COG7: variants seen among roughly 807,000 people sequenced by gnomAD.
The protein encoded by COG7 is conserved oligomeric Golgi complex subunit 7.
COG7 carries 49 observed loss-of-function variants against 91.5 expected under a neutral mutation model. The ratio of observed to expected loss-of-function variants is 0.54; its 90% CI spans 0.43 to 0.68. The LOEUF is 0.68. Ranked by LOEUF, COG7 falls within the 30% of genes least tolerant of loss-of-function variation. The pLI, the probability that COG7 is intolerant of heterozygous loss-of-function variation, is 0.00. For synonymous variants in COG7, 365 were observed against 388.7 expected, an observed-to-expected ratio of 0.94 and a Z score of 0.72; for missense variants, 895 against 961.3, an observed-to-expected ratio of 0.93 and a Z score of 0.91.
intron 2 of COG7, 37 bp from the exon 3 acceptor site, chr16:23,445,201 G>T: frequency 6.9e-7 from 1 of 1,446,840 alleles, no homozygotes; most frequent in Non-Finnish European, 9.7e-7. Context: ...TGAAGGGGTA[G>T]GTCCTTTTTC....
In COG7 at chr16:23,447,803, G is replaced by A. The variant is rs551273914; in HGVS notation, c.170-1842C>T. Among the ~76,000 whole-genome samples the A allele has an allele frequency of 3.9e-5, 6 of 152,034 alleles. No individual in the cohort carries two copies. The East Asian group carries it at 1.2e-3, about 30-fold the overall frequency. On this transcript the variant is annotated intron_variant, in intron 1 of 16. Transcript: ENST00000307149. ...TAGCCCCAGCTACTCGGGAGGCTGA[G>A]GCAGGAGAATCACTTGAACCTGGGA...
intron 15 of COG7, among the ~76,000 whole-genome samples, chr16:23,392,887 C>T (rs954399455): frequency 7.9e-5 from 12 of 152,186 alleles, no homozygotes; most frequent in South Asian, 2.1e-4. Context: ...GTCAAGATCG[C>T]GCCACTGCAC....
intron 7 of COG7, among the ~76,000 whole-genome samples, chr16:23,424,381 G>A (rs1295746772): frequency 6.6e-6 from 1 of 150,566 alleles, no homozygotes; most frequent in East Asian, 2.0e-4. Context: ...GAGGCTTCGT[G>A]ATGACTTCAA....
intron 1 of COG7, among the ~76,000 whole-genome samples, chr16:23,447,792 C>T (rs936936834): frequency 8.6e-5 from 13 of 151,250 alleles, no homozygotes; most frequent in East Asian, 2.0e-4. Flanking sequence ...CCCAGCTACT[C>T]GGGAGGCTGA....
intron 13 of COG7, 83 bp from the exon 14 acceptor site, chr16:23,398,212 C>A: frequency 9.0e-7 from 1 of 1,116,558 alleles, no homozygotes; most frequent in Middle Eastern, 2.2e-4. Flanking sequence ...ACAAGAAGAA[C>A]ATGGCCTTCC....
intron 14 of COG7, among the ~76,000 whole-genome samples, chr16:23,397,612 G>A (rs570465160): frequency 6.6e-6 from 1 of 152,336 alleles, no homozygotes; most frequent in East Asian, 1.9e-4. Context: ...TTGCTATGAA[G>A]TTAAACATGA....
intron 4 of COG7, among the ~76,000 whole-genome samples, chr16:23,435,602 G>A (rs1002186239): frequency 3.9e-5 from 6 of 152,122 alleles, no homozygotes; most frequent in Non-Finnish European, 5.9e-5. Context: ...GCACAGCAGC[G>A]CCACCTCTGG....
rs138704313 is a variant in COG7 at position 23,403,312 on chromosome 16, G to A, written c.1803+382C>T. On this transcript the variant is annotated intron_variant, in intron 13 of 16. Coordinates refer to ENST00000307149, the MANE Select transcript of COG7 (RefSeq NM_153603.4). ...AGGTACTCCCCTGAGTAAAGTTCCA[G>A]AACCAATTCTCCAGAAATGATTCGT... is the stretch of plus-strand genomic sequence containing the variant. 1.3e-4 allele frequency among the ~76,000 whole-genome samples: 20 copies of A among 152,324 alleles called. 1 individual carries two copies. The East Asian group carries it at 3.9e-3, about 29-fold the overall frequency.
intron 9 of COG7, chr16:23,414,725 C>G (rs1346548343): frequency 1.3e-5 from 2 of 152,032 alleles, no homozygotes; most frequent in Admixed American, 6.6e-5. Flanking sequence ...TCCCCAGGAA[C>G]TAGCACAGAG....
chr16:23,402,669 C>T (rs1194629255), intron 13 of COG7, among the ~76,000 whole-genome samples: 1 of 152,230 alleles, frequency 6.6e-6, no homozygotes, highest in Non-Finnish European at 1.5e-5. Flanking sequence ...AGCTCTCCTC[C>T]ACTTTACGTC....
At chr16:23,404,677 T>G (rs1963430881) in intron 12 of COG7, among the ~76,000 whole-genome samples, 1 of 152,176 alleles carries the variant, frequency 6.6e-6, no homozygotes, top group African/African-American at 2.4e-5. Flanking sequence ...CCCAGCACTT[T>G]GGGAGGCTGA....
chr16:23,438,464 G>A (rs755658807), intron 4 of COG7, among the ~76,000 whole-genome samples: 4 of 152,048 alleles, frequency 2.6e-5, no homozygotes, highest in Non-Finnish European at 4.4e-5. Context: ...AGGCTGCCGT[G>A]GGAGGATCAC....
rs1282699743 is a variant in COG7, at chr16:23,435,529, T to C, written c.605-811A>G. 1.3e-5 allele frequency among the ~76,000 whole-genome samples: 2 copies of C among 152,246 alleles called. 1 individual carries two copies. Among genetic ancestry groups the C allele is most frequent in the Non-Finnish European group, 2.9e-5 (2 of 68,046 alleles). ...AGAGGAAATGACTGGGCAAAGCACT[T>C]GCTTCCAGGCTCACCGCTGGACAGA... On this transcript the variant is annotated intron_variant, in intron 4 of 16. Transcript: ENST00000307149.
chr16:23,430,561 A>G (rs944078679), intron 6 of COG7, among the ~76,000 whole-genome samples: 6 of 147,892 alleles, frequency 4.1e-5, no homozygotes, highest in Admixed American at 2.7e-4. Flanking sequence ...TTTTTTTTTG[A>G]GATGGATTCT....
intron 6 of COG7, among the ~76,000 whole-genome samples, chr16:23,425,466 A>C (rs1295636065): frequency 6.6e-6 from 1 of 152,044 alleles, no homozygotes; most frequent in Non-Finnish European, 1.5e-5. Flanking sequence ...CAAGTAGCTG[A>C]TACTACAGGA....
In COG7 at chr16:23,388,923, GTA is replaced by G. The variant is rs1963139599; in HGVS notation, c.2308_2309del (p.Tyr770LeufsTer37). On this transcript the variant is annotated frameshift_variant, in exon 17 of 17. Coordinates refer to ENST00000307149, the MANE Select transcript of COG7 (RefSeq NM_153603.4). LOFTEE classifies it high-confidence loss of function. ...GGTGGTCCGGTGTGTGGTGGGGTCA[GTA>G]ATTCACACTCCGCATGGTGGCCACG... Reference protein sequence around the residue: ...TTVATMRSVNY With the variant: ...TTVATMRSVNX 2 of 1,614,028 alleles carry G rather than the reference GTA, an allele frequency of 1.2e-6. No individual in the cohort carries two copies. Among genetic ancestry groups the G allele is most frequent in the Non-Finnish European group, 8.5e-7 (1 of 1,180,018 alleles).
In COG7 at chr16:23,442,608, T is replaced by C; in HGVS notation, c.473A>G (p.Gln158Arg). 1 of 1,614,090 alleles carries C rather than the reference T, an allele frequency of 6.2e-7. No individual in the cohort carries two copies. ...AVISAKLTGM[Q>R]NSLMMLVDTP... Reference sequence around the variant, plus strand: ...ATCAACAAGCATCATTAAGCTGTTCTGCATACCTGTTAGCTTGGCAGAAAT... The same window carrying C: ...ATCAACAAGCATCATTAAGCTGTTCCGCATACCTGTTAGCTTGGCAGAAAT... Residue 158 changes from glutamine (Q) to arginine (R), a missense_variant, in exon 4 of 17, where the codon CAG (glutamine) becomes CGG (arginine). Transcript: ENST00000307149.
intron 3 of COG7, among the ~76,000 whole-genome samples, chr16:23,443,181 T>C (rs753088419): frequency 2.0e-5 from 3 of 152,220 alleles, no homozygotes; most frequent in Non-Finnish European, 4.4e-5. Flanking sequence ...GACAATCTGG[T>C]ATCATAAATT....
intron 1 of COG7, among the ~76,000 whole-genome samples, chr16:23,446,225 A>G (rs960833491): frequency 4.6e-5 from 7 of 152,174 alleles, no homozygotes; most frequent in African/African-American, 1.4e-4. Flanking sequence ...ACCTGTCCCA[A>G]CACCAACTTG....
Sources: allele counts gnomAD v4.1 joint callset (sites outside exome capture counted in the v4.1 genomes callset), GRCh38; gene constraint gnomAD v4.1.1; transcripts MANE v1.5; gene names NCBI Gene and HGNC (gene_info 2026-07-23, HGNC 2026-07-21).